Variants in ABCA1 observed in about 807,000 individuals in gnomAD.
ABCA1 encodes ATP binding cassette subfamily A member 1, also known as phospholipid-transporting ATPase ABCA1.
A neutral mutation model predicts 262.5 loss-of-function variants in ABCA1; 133 were observed. That is an observed-to-expected ratio of 0.51 (90% CI 0.44 to 0.59). The LOEUF is 0.59. Ranked by LOEUF, ABCA1 falls within the 20% of genes least tolerant of loss-of-function variation. ABCA1 has a pLI of 0.00. For missense variants in ABCA1, 2,452 were observed against 2,777.5 expected, an observed-to-expected ratio of 0.88 and a Z score of 2.63; for synonymous variants, 1,022 against 1,043.5, an observed-to-expected ratio of 0.98 and a Z score of 0.40.
intron 1 of ABCA1, among the ~76,000 whole-genome samples, chr9:104,923,646 G>C (rs1436601874): frequency 6.6e-6 from 1 of 152,234 alleles, no homozygotes; most frequent in Admixed American, 6.5e-5. Context: ...TCAAGTCTTA[G>C]CTCTGCCTCT....
At chr9:104,801,745 T>C (rs1373433647) in intron 34 of ABCA1, among the ~76,000 whole-genome samples, 3 of 152,174 alleles carry the variant, frequency 2.0e-5, no homozygotes, top group Non-Finnish European at 4.4e-5. Context: ...GGTTTTGTCA[T>C]GTAGGCCAGG....
chr9:104,799,876 A>G lies in ABCA1; in HGVS notation c.4886T>C (p.Ile1629Thr). 6.2e-7 allele frequency: 1 copy of G among 1,614,162 alleles called. No homozygotes were observed. The highest frequency in any genetic ancestry group is 8.5e-7 in the Non-Finnish European group (1 of 1,180,030). The change falls in exon 36 of 50, where the codon ATT becomes ACT. Residue 1629 changes from isoleucine (I) to threonine (T), a missense_variant. By Grantham distance (89) the Ile-to-Thr change is moderately conservative (BLOSUM62 -1). This residue lies in a region of ABCA1 where 752 missense variants were observed against 944.5 expected (regional missense o/e 0.80). Coordinates refer to ENST00000374736, the MANE Select transcript of ABCA1 (RefSeq NM_005502.4). ...QKGENPSHYG[I>T]TAFNHPLNLT... is the part of the protein sequence containing the mutation. ...ATTCAGGGGATGATTGAAAGCAGTA[A>G]TTCCATAATGGCTAGGGTTCTCTCC...
chr9:104,849,263 T>C (rs1213855592), intron 7 of ABCA1, among the ~76,000 whole-genome samples: 2 of 152,170 alleles, frequency 1.3e-5, no homozygotes, highest in African/African-American at 2.4e-5. Flanking sequence ...GATGTAAACA[T>C]AGGTCCTTAT....
At chr9:104,895,353 A>ATT (rs1840101942) in intron 2 of ABCA1, among the ~76,000 whole-genome samples, 1 of 152,184 alleles carries the variant, frequency 6.6e-6, no homozygotes, top group Admixed American at 6.5e-5. Flanking sequence ...CCCTACTGAC[A>ATT]TTTGGGGCCA....
At chr9:104,887,542 C>T (rs1839289431) in intron 3 of ABCA1, among the ~76,000 whole-genome samples, 1 of 151,996 alleles carries the variant, frequency 6.6e-6, no homozygotes, top group Admixed American at 6.6e-5. Flanking sequence ...AATCATTCGT[C>T]TAGTAGATGA....
chr9:104,920,814 G>C (rs959408609), intron 1 of ABCA1, among the ~76,000 whole-genome samples: 7 of 152,046 alleles, frequency 4.6e-5, no homozygotes. Flanking sequence ...CCGGCCTAAA[G>C]CAAGCTTTTA....
intron 15 of ABCA1, 98 bp downstream of exon 15, chr9:104,828,818 A>G (rs1833011291): frequency 2.4e-6 from 3 of 1,244,718 alleles, no homozygotes. Flanking sequence ...CCCCTTCTCT[A>G]CCAGAGGCTT....
Position 104,782,225 on chromosome 9 carries a change from A to G in ABCA1, c.*2090T>C, listed in dbSNP as rs1828586865. ...ATTTTTGAAGATACTGTAAAATGCAACGATGCCATATCACTAGTTATTGGA... is the reference window on the plus strand; with the variant it reads ...ATTTTTGAAGATACTGTAAAATGCAGCGATGCCATATCACTAGTTATTGGA... On this transcript the variant is annotated 3_prime_UTR_variant, in exon 50 of 50. Coordinates refer to ENST00000374736, the MANE Select transcript of ABCA1 (RefSeq NM_005502.4). 1 of 152,132 alleles carries G rather than the reference A, an allele frequency of 6.6e-6. No homozygotes were observed. The highest frequency in any genetic ancestry group is 1.5e-5 in the Non-Finnish European group (1 of 67,952). The allele number at this position is 152,132 out of a possible 1,614,324, so 9.4% of individuals were successfully genotyped here. A position where few individuals can be genotyped will look rare whatever the true frequency, so the allele number is the denominator to read the frequency against.
chr9:104,862,699 C>CAGGGCAGGGCCGGGCAGGGCAGGGCAG (rs1836713677), intron 5 of ABCA1, among the ~76,000 whole-genome samples: 1 of 8,466 alleles, frequency 1.2e-4, no homozygotes, highest in African/African-American at 6.9e-4. Flanking sequence ...CGGGCCGGGC[C>CAGGGCAGGGCCGGGCAGGGCAGGGCAG]GGCCCCCACC....
intron 5 of ABCA1, among the ~76,000 whole-genome samples, chr9:104,872,421 T>C (rs1452003823): frequency 6.6e-6 from 1 of 152,192 alleles, no homozygotes; most frequent in Non-Finnish European, 1.5e-5. Context: ...ATAAGCAACA[T>C]GGCAGCATAG....
intron 25 of ABCA1, among the ~76,000 whole-genome samples, chr9:104,815,026 C>T (rs1001561367): frequency 1.3e-5 from 2 of 152,002 alleles, no homozygotes; most frequent in Non-Finnish European, 2.9e-5. Flanking sequence ...TTAAAAAAAG[C>T]TATGACAGAC....
chr9:104,911,491 G>A (rs962029977), intron 1 of ABCA1, among the ~76,000 whole-genome samples: 2 of 152,228 alleles, frequency 1.3e-5, no homozygotes, highest in Non-Finnish European at 2.9e-5. Flanking sequence ...GATCGTGGCT[G>A]CTGTGGGGGT....
At chr9:104,914,456 T>C (rs1028648283) in intron 1 of ABCA1, among the ~76,000 whole-genome samples, 2 of 149,968 alleles carry the variant, frequency 1.3e-5, no homozygotes, top group African/African-American at 4.9e-5. Flanking sequence ...GCCGAGATCA[T>C]GCCATTGAAT....
intron 5 of ABCA1, among the ~76,000 whole-genome samples, chr9:104,879,269 C>T (rs1326470779): frequency 6.6e-6 from 1 of 152,156 alleles, no homozygotes; most frequent in Non-Finnish European, 1.5e-5. Flanking sequence ...AGAATACTGG[C>T]TCTCATTTAT....
chr9:104,839,126 A>C (rs939289327), intron 9 of ABCA1, among the ~76,000 whole-genome samples: 2 of 152,342 alleles, frequency 1.3e-5, no homozygotes, highest in Middle Eastern at 6.8e-3. Flanking sequence ...CCACTGCCTA[A>C]AACTGTGACA....
Position 104,817,524 on chromosome 9 carries a change from T to G in ABCA1, c.3463-120A>C. Reference sequence around the variant, plus strand: ...GTGTGAGAACTAAAGGAAAAAGCTTTCCCTGGGACACATGCACTGGCAGCC... The same window carrying G: ...GTGTGAGAACTAAAGGAAAAAGCTTGCCCTGGGACACATGCACTGGCAGCC... On this transcript the variant is annotated intron_variant, in intron 23 of 49. Coordinates refer to ENST00000374736, the MANE Select transcript of ABCA1 (RefSeq NM_005502.4). This position sits in a 1 kb window ranked among gnomAD's most constrained non-coding sequence, Gnocchi z 4.7. The G allele has an allele frequency of 1.8e-6, 2 of 1,081,380 alleles. No individual in the cohort carries two copies. Among genetic ancestry groups the G allele is most frequent in the Non-Finnish European group, 2.8e-6 (2 of 723,098 alleles). The allele number at this position is 1,081,380 out of a possible 1,614,324, so 67.0% of individuals were successfully genotyped here.
At chr9:104,880,167 C>G (rs1838504217) in intron 5 of ABCA1, among the ~76,000 whole-genome samples, 1 of 152,092 alleles carries the variant, frequency 6.6e-6, no homozygotes, top group Non-Finnish European at 1.5e-5. Flanking sequence ...AGCTCCAAAC[C>G]AGATCAGCTT....
chr9:104,906,739 C>T (rs1044743340), intron 1 of ABCA1, among the ~76,000 whole-genome samples: 4 of 106,116 alleles, frequency 3.8e-5, no homozygotes. Flanking sequence ...AGTGAACAAA[C>T]AAACCAAAAT....
At chr9:104,823,207 G>A (rs1832525755) in intron 18 of ABCA1, among the ~76,000 whole-genome samples, 1 of 152,258 alleles carries the variant, frequency 6.6e-6, no homozygotes, top group African/African-American at 2.4e-5. Context: ...GGAGGTGGCT[G>A]TGGCCATTAA....
Sources: gnomAD v4.1 joint callset for allele counts (sites outside exome capture counted in the v4.1 genomes callset) on GRCh38, gnomAD v4.1.1 for gene constraint, gnomAD v4.1.1 regional missense constraint, Gnocchi (gnomAD v3.1) non-coding constraint, MANE v1.5 for transcripts, NCBI Gene and HGNC (gene_info 2026-07-23, HGNC 2026-07-21) for gene names.